TDO2: variants seen among roughly 807,000 people sequenced by gnomAD.
The protein encoded by TDO2 is tryptophan 2,3-dioxygenase.
Under a neutral mutation model 61.2 loss-of-function variants are expected in TDO2, and 63 were observed. The ratio of observed to expected loss-of-function variants is 1.03; its 90% CI spans 0.84 to 1.27. TDO2 has a LOEUF of 1.27. Among genes scored for constraint, TDO2 ranks in the 50% most tolerant of loss-of-function variants. The pLI, the probability that TDO2 is intolerant of heterozygous loss-of-function variation, is 0.00. For synonymous variants in TDO2, 183 were observed against 164.0 expected (o/e 1.12, Z -0.89); for missense variants, 494 against 469.5 (o/e 1.05, Z -0.48).
chr4:155,915,025 G>C (rs1164695824), intron 8 of TDO2, among the ~76,000 whole-genome samples: 2 of 152,066 alleles, frequency 1.3e-5, no homozygotes, highest in Non-Finnish European at 2.9e-5. Context: ...TTGTGTGTGG[G>C]TGAGTTCTTT....
intron 8 of TDO2, among the ~76,000 whole-genome samples, chr4:155,915,497 T>C (rs1742915493): frequency 6.6e-6 from 1 of 152,216 alleles, no homozygotes; most frequent in African/African-American, 2.4e-5. Context: ...AAATGATGCT[T>C]ATAACACATC....
At chr4:155,907,670 G>A in intron 3 of TDO2, 52 bp from the exon 4 acceptor site, 1 of 1,188,566 alleles carries the variant, frequency 8.4e-7, no homozygotes, top group African/African-American at 1.5e-5. Context: ...ATATAATAAT[G>A]GCCAAAAAGG....
Position 155,919,927 on chromosome 4 carries a change from C to T in TDO2, c.1158C>T (p.His386=). ...TACCGAAGATGAACCCAACCATTCACAAATTTCTATATACAGCAGAATACT... is the reference window on the plus strand; with the variant it reads ...TACCGAAGATGAACCCAACCATTCATAAATTTCTATATACAGCAGAATACT... ...HWIPKMNPTI[H]KFLYTAEYCD... is the part of the protein sequence containing the mutation. The change falls in exon 12 of 12, where the codon CAC becomes CAT. Residue 386 remains histidine (H), a synonymous_variant. Coordinates refer to ENST00000536354, the MANE Select transcript of TDO2 (RefSeq NM_005651.4). 1 of 1,613,710 alleles carries T rather than the reference C, an allele frequency of 6.2e-7. No individual in the cohort carries two copies. Among genetic ancestry groups the T allele is most frequent in the South Asian group, 1.1e-5 (1 of 91,066 alleles).
In TDO2 at chr4:155,919,827, G is replaced by C. The variant is rs377245931; in HGVS notation, c.1068-10G>C. ...ACCAATGTAACACATCTTCATGTAT[G>C]TTTTTCCAGTGATAGGTACAAGGTA... On this transcript the variant is annotated splice_polypyrimidine_tract_variant and intron_variant, in intron 11 of 11. Transcript: ENST00000536354. 1.1e-5 allele frequency: 17 copies of C among 1,590,570 alleles called. No individual in the cohort carries two copies. The highest frequency in any genetic ancestry group is 1.5e-5 in the Non-Finnish European group (17 of 1,169,438).
chr4:155,911,243 T>G (rs1430220332), intron 6 of TDO2, among the ~76,000 whole-genome samples: 1 of 152,000 alleles, frequency 6.6e-6, no homozygotes, highest in African/African-American at 2.4e-5. Context: ...TTGGAATTTC[T>G]GTAATCACAT....
chr4:155,912,755 GT>G (rs902691381), intron 7 of TDO2, among the ~76,000 whole-genome samples: 1 of 151,938 alleles, frequency 6.6e-6, no homozygotes, highest in Non-Finnish European at 1.5e-5. Context: ...TTTATCTCTG[GT>G]TTATATATCC....
Position 155,912,599 on chromosome 4 carries a change from T to A in TDO2, c.726+995T>A, listed in dbSNP as rs1042273247. ...ATTTCTCTATCTCTTTTACTTGCTC[T>A]TATTTCTCTCTCAGACCAATAAATG... On this transcript the variant is annotated intron_variant, in intron 7 of 11. Coordinates refer to ENST00000536354, the MANE Select transcript of TDO2 (RefSeq NM_005651.4). 5.3e-5 allele frequency among the ~76,000 whole-genome samples: 8 copies of A among 152,160 alleles called. No individual in the cohort carries two copies. In the East Asian group the frequency reaches 1.5e-3, roughly 29 times the overall value.
At chr4:155,907,587 G>A in intron 3 of TDO2, 135 bp from the exon 4 acceptor site, 1 of 598,610 alleles carries the variant, frequency 1.7e-6, no homozygotes, top group Non-Finnish European at 3.0e-6. Context: ...GGCACACAAT[G>A]GGACTATATT....
intron 4 of TDO2, 133 bp from the exon 5 acceptor site, chr4:155,908,754 C>T: frequency 8.7e-7 from 1 of 1,149,778 alleles, no homozygotes; most frequent in Non-Finnish European, 1.2e-6. Context: ...ATACTCTTTG[C>T]AAATTTTAGT....
intron 3 of TDO2, chr4:155,905,575 G>A (rs1349797968): frequency 6.4e-6 from 1 of 155,334 alleles, no homozygotes; most frequent in Non-Finnish European, 1.4e-5. Flanking sequence ...AAAAATGTAT[G>A]TTTATCCTTT....
intron 2 of TDO2, 105 bp downstream of exon 2, chr4:155,904,228 A>T: frequency 1.3e-6 from 1 of 793,914 alleles, no homozygotes; most frequent in Non-Finnish European, 2.0e-6. Flanking sequence ...AAAGTCACCA[A>T]TCGTTTTCTG....
At chr4:155,908,781 A>T in intron 4 of TDO2, 106 bp from the exon 5 acceptor site, 1 of 1,402,674 alleles carries the variant, frequency 7.1e-7, no homozygotes, top group Non-Finnish European at 9.5e-7. Flanking sequence ...GTTTCCCTTT[A>T]AAACCAAATT....
chr4:155,916,294 A>C (rs1376681746), intron 9 of TDO2, among the ~76,000 whole-genome samples: 1 of 145,234 alleles, frequency 6.9e-6, no homozygotes, highest in Non-Finnish European at 1.5e-5. Context: ...CAGCCTCCCG[A>C]GTAGCTGGGA....
At position 155,910,096 on chromosome 4, in the gene TDO2, T is replaced by C. The variant is rs199550054; in HGVS notation, c.503T>C (p.Leu168Pro). The stretch of plus-strand genomic sequence containing the variant: ...CTATTAGAAAACAAGATAGGTGTTC[T>C]TCAGAACATGAGAGTCCCTTATAAC... ...FRLLENKIGV[L>P]QNMRVPYNRR... Residue 168 changes from leucine (L) to proline (P), a missense_variant, in exon 6 of 12, where the codon CTT becomes CCT. Coordinates refer to ENST00000536354, the MANE Select transcript of TDO2 (RefSeq NM_005651.4). 2 of 1,600,448 alleles carry C rather than the reference T, an allele frequency of 1.2e-6. No individual in the cohort carries two copies. The highest frequency in any genetic ancestry group is 4.7e-5 in the East Asian group (2 of 42,928).
intron 6 of TDO2, among the ~76,000 whole-genome samples, chr4:155,910,711 A>C (rs988418041): frequency 6.6e-6 from 1 of 152,148 alleles, no homozygotes; most frequent in African/African-American, 2.4e-5. Flanking sequence ...TTTTTTCTTC[A>C]AAATAGATTA....
rs972901154 is a variant in TDO2 at position 155,909,017 on chromosome 4, G to T, written c.431+3G>T. On this transcript the variant is annotated splice_donor_region_variant and intron_variant, in intron 5 of 11. Coordinates refer to ENST00000536354, the MANE Select transcript of TDO2 (RefSeq NM_005651.4). ...GCCTTGGACTTCAATGACTTCAGGT[G>T]TGCACATTTGGCATTTTAAAAAATG... 1 of 1,593,888 alleles carries T rather than the reference G, an allele frequency of 6.3e-7. No individual in the cohort carries two copies. The highest frequency in any genetic ancestry group is 1.4e-5 in the African/African-American group (1 of 73,838).
At chr4:155,905,293 C>A in intron 3 of TDO2, 136 bp downstream of exon 3, 1 of 719,442 alleles carries the variant, frequency 1.4e-6, no homozygotes, top group Non-Finnish European at 2.3e-6. Flanking sequence ...GAATATTTTG[C>A]TGCCAGATGA....
intron 6 of TDO2, 145 bp downstream of exon 6, chr4:155,910,356 A>G (rs1452498062): frequency 3.3e-6 from 2 of 607,658 alleles, no homozygotes; most frequent in African/African-American, 2.0e-5. Flanking sequence ...AAATACATGA[A>G]TTTGTAAATT....
intron 8 of TDO2, among the ~76,000 whole-genome samples, chr4:155,915,099 T>C (rs998160023): frequency 2.0e-5 from 3 of 152,176 alleles, no homozygotes; most frequent in African/African-American, 7.2e-5. Context: ...TTCGGCACAA[T>C]TAGTACTGAG....
Sources: gnomAD v4.1 joint callset for allele counts (sites outside exome capture counted in the v4.1 genomes callset) on GRCh38, gnomAD v4.1.1 for gene constraint, MANE v1.5 for transcripts, NCBI Gene and HGNC (gene_info 2026-07-23, HGNC 2026-07-21) for gene names.